SGO1: variants seen among roughly 807,000 people sequenced by gnomAD.
The protein encoded by SGO1 is shugoshin 1.
Under a neutral mutation model 50.5 loss-of-function variants are expected in SGO1, and 39 were observed. That is an observed-to-expected ratio of 0.77 (90% CI 0.60 to 1.01). SGO1 has a LOEUF of 1.01. Ranked by LOEUF, SGO1 falls within the 50% of genes least tolerant of loss-of-function variation. The pLI is 0.00. For synonymous variants in SGO1, 191 were observed against 205.1 expected (o/e 0.93, Z 0.59); for missense variants, 638 against 606.0 (o/e 1.05, Z -0.55).
At chr3:20,161,379 C>T (rs1213367425) in intron 8 of SGO1, among the ~76,000 whole-genome samples, 1 of 151,982 alleles carries the variant, frequency 6.6e-6, no homozygotes, top group Non-Finnish European at 1.5e-5. Flanking sequence ...TCAGCAGATA[C>T]AACAAATATC....
downstream of SGO1, among the ~76,000 whole-genome samples, chr3:20,165,827 G>A (rs1430691752): frequency 6.6e-6 from 1 of 152,168 alleles, no homozygotes; most frequent in Non-Finnish European, 1.5e-5. Flanking sequence ...CAAGGCAGGC[G>A]AATCACTTGA....
At chr3:20,163,114 T>G (rs1700123271) in intron 8 of SGO1, among the ~76,000 whole-genome samples, 1 of 151,600 alleles carries the variant, frequency 6.6e-6, no homozygotes, top group African/African-American at 2.4e-5. Flanking sequence ...TGTCAAAGAG[T>G]AGGAATCAAT....
In SGO1 at chr3:20,183,737, A is replaced by G; in HGVS notation, c.210T>C (p.Asn70=). The G allele has an allele frequency of 6.2e-7, 1 of 1,613,434 alleles. No individual in the cohort carries two copies. The highest frequency in any genetic ancestry group is 8.5e-7 in the Non-Finnish European group (1 of 1,179,816). Residue 70 remains asparagine (N), a synonymous_variant, in exon 3 of 8, where the codon AAT becomes AAC. Coordinates refer to ENST00000412997, the MANE Select transcript of SGO1 (RefSeq NM_001199251.3). The stretch of plus-strand genomic sequence containing the variant: ...GGGCTTCTTTCACTTTGGATTTTTC[A>G]TTTTCCAAAGCTAAAACTAACATTT... ...NNKMLVLALE[N]EKSKVKEAQD...
At position 20,174,435 on chromosome 3, in the gene SGO1, C is replaced by T. The variant is rs373453727; in HGVS notation, c.1096G>A (p.Val366Met). The change falls in exon 6 of 8, where the codon GTG (valine) becomes ATG (methionine). Residue 366 changes from valine (V) to methionine (M), a missense_variant. By Grantham distance (21) the Val-to-Met change is conservative (BLOSUM62 1). Transcript: ENST00000412997. ...GAACCACTTGATTCACAGAGGCTCA[C>T]TTCAGACTCGTTGTTTTCTTCTCTA... The part of the protein sequence containing the change: ...SNREENNESE[V>M]SLCESSGSGD... 3.7e-6 allele frequency: 6 copies of T among 1,614,028 alleles called. No homozygotes were observed. Among genetic ancestry groups the T allele is most frequent in the Middle Eastern group, 1.6e-4 (1 of 6,084 alleles).
chr3:20,179,898 C>G (rs1701817564), intron 3 of SGO1, among the ~76,000 whole-genome samples: 1 of 152,094 alleles, frequency 6.6e-6, no homozygotes, highest in African/African-American at 2.4e-5. Flanking sequence ...ATTATTACTG[C>G]AAGGTCAAGA....
chr3:20,178,216 A>T (rs1701616804), intron 4 of SGO1, 55 bp downstream of exon 4: 1 of 1,242,964 alleles, frequency 8.0e-7, no homozygotes, highest in Non-Finnish European at 1.2e-6. Context: ...TAAATGAATC[A>T]CAGAATTAAA....
downstream of SGO1, among the ~76,000 whole-genome samples, chr3:20,168,392 G>A (rs1272560178): frequency 6.7e-6 from 1 of 150,272 alleles, no homozygotes; most frequent in African/African-American, 2.4e-5. Flanking sequence ...TTCAAAGTTA[G>A]TGCTTCTATC....
rs1475060814 is a variant in SGO1, at chr3:20,174,507, C to T, written c.1024G>A (p.Gly342Ser). The T allele has an allele frequency of 6.2e-7, 1 of 1,614,106 alleles. No individual in the cohort carries two copies. Among genetic ancestry groups the T allele is most frequent in the Admixed American group, 1.7e-5 (1 of 60,016 alleles). ...TGTCGGAAAGGAGTAAGATGAACACCCTCTTCCAAATTAAAATTGTAAGCA... is the reference window on the plus strand; with the variant it reads ...TGTCGGAAAGGAGTAAGATGAACACTCTCTTCCAAATTAAAATTGTAAGCA... The part of the protein sequence containing the change: ...NDAYNFNLEE[G>S]VHLTPFRQKV... The change falls in exon 6 of 8, where the codon GGT becomes AGT. Residue 342 changes from glycine to serine, a missense_variant. Transcript: ENST00000412997.
chr3:20,173,975 A>C (rs1248914841), intron 6 of SGO1, among the ~76,000 whole-genome samples: 1 of 152,220 alleles, frequency 6.6e-6, no homozygotes. Flanking sequence ...GTCTACAAAA[A>C]AGTCCCTCTG....
chr3:20,162,391 C>T (rs994895299), intron 8 of SGO1, among the ~76,000 whole-genome samples: 2 of 152,106 alleles, frequency 1.3e-5, no homozygotes, highest in African/African-American at 4.8e-5. Flanking sequence ...TGGGGGTAAA[C>T]GAGCATAGAG....
intron 5 of SGO1, 50 bp downstream of exon 5, chr3:20,176,551 A>G (rs1280581494): frequency 1.8e-6 from 2 of 1,136,118 alleles, no homozygotes; most frequent in African/African-American, 1.6e-5. Flanking sequence ...TTTGTTCTCA[A>G]AGACCTTATT....
At chr3:20,161,279 C>A in intron 8 of SGO1, 1 of 1,426,378 alleles carries the variant, frequency 7.0e-7, no homozygotes. Context: ...ACAACCTAGT[C>A]CACAGATTTT....
At position 20,161,251 on chromosome 3, in the gene SGO1, G is replaced by A. The variant is rs145356977; in HGVS notation, c.1565-25C>T. 5.3e-4 allele frequency: 811 copies of A among 1,525,978 alleles called. 7 individuals carry two copies. In the African/African-American group the frequency reaches 9.9e-3, roughly 19 times the overall value. The allele number at this position is 1,525,978 out of a possible 1,614,324, so 94.5% of individuals were successfully genotyped here. On this transcript the variant is annotated intron_variant, in intron 8 of 8. Coordinates refer to the SGO1 transcript ENST00000263753. ...CCTGGTAAAAGCAAACACAAAATCAGTCTACAGAGATGTTTCTACAACCTA... is the reference window on the plus strand; with the variant it reads ...CCTGGTAAAAGCAAACACAAAATCAATCTACAGAGATGTTTCTACAACCTA...
chr3:20,163,206 T>G (rs1700128520), intron 8 of SGO1, among the ~76,000 whole-genome samples: 1 of 152,072 alleles, frequency 6.6e-6, no homozygotes, highest in Admixed American at 6.6e-5. Flanking sequence ...CTATTTAGAC[T>G]GATCAAGAAG....
chr3:20,182,491 T>C (rs534653068), intron 3 of SGO1, among the ~76,000 whole-genome samples: 1 of 152,324 alleles, frequency 6.6e-6, no homozygotes, highest in South Asian at 2.1e-4. Flanking sequence ...ACTGCTTTTT[T>C]TTTCTCTGCC....
intron 3 of SGO1, among the ~76,000 whole-genome samples, chr3:20,181,804 G>T (rs1032918477): frequency 6.6e-6 from 1 of 152,178 alleles, no homozygotes; most frequent in Non-Finnish European, 1.5e-5. Context: ...AATCTACCAC[G>T]CCTGGCACAG....
chr3:20,173,374 A>AG (rs1264141799), intron 6 of SGO1, among the ~76,000 whole-genome samples: 2 of 152,072 alleles, frequency 1.3e-5, no homozygotes, highest in Non-Finnish European at 2.9e-5. Context: ...TCCTGACCTC[A>AG]GGTGATCCGC....
chr3:20,160,907 T>C, exon 9 of SGO1: 2 of 635,128 alleles, frequency 3.1e-6, no homozygotes, highest in Non-Finnish European at 5.0e-6. Context: ...ACGTACTGAT[T>C]CCTCGGTCAC....
chr3:20,168,175 A>G (rs1164448169), downstream of SGO1, among the ~76,000 whole-genome samples: 1 of 152,236 alleles, frequency 6.6e-6, no homozygotes, highest in Admixed American at 6.5e-5. Flanking sequence ...ATTTTAGGAT[A>G]ATGATTGACT....
Sources: allele counts gnomAD v4.1 joint callset (sites outside exome capture counted in the v4.1 genomes callset), GRCh38; gene constraint gnomAD v4.1.1; transcripts MANE v1.5; gene names NCBI Gene and HGNC (gene_info 2026-07-23, HGNC 2026-07-21).